GEMIN5: variants seen among roughly 807,000 people sequenced by gnomAD.
GEMIN5 encodes the protein gem-associated protein 5.
GEMIN5 carries 124 observed loss-of-function variants against 176.9 expected under a neutral mutation model. The observed-to-expected ratio is 0.70, with a 90% CI of 0.61 to 0.81. The LOEUF is 0.81. Among genes scored for constraint, GEMIN5 ranks in the 40% least tolerant of loss-of-function variants. GEMIN5 has a pLI of 0.00. For synonymous variants in GEMIN5, 673 were observed against 665.2 expected (o/e 1.01, Z -0.18); for missense variants, 1,843 against 1,814.6 (o/e 1.02, Z -0.28).
At chr5:154,910,619 T>C (rs1763680981) in intron 15 of GEMIN5, among the ~76,000 whole-genome samples, 1 of 152,204 alleles carries the variant, frequency 6.6e-6, no homozygotes, top group Non-Finnish European at 1.5e-5. Flanking sequence ...TTAATATATT[T>C]TGTCTAGCTT....
In GEMIN5 at chr5:154,889,363, G is replaced by T. The variant is rs757932154; in HGVS notation, c.4317C>A (p.Thr1439=). The change falls in exon 27 of 28, where the codon ACC becomes ACA. Residue 1439 remains threonine (T), a synonymous_variant. Transcript: ENST00000285873. The stretch of plus-strand genomic sequence containing the variant: ...ATTTCGCCATTCTCTGATTTGCCTC[G>T]GTAAGCCTTTTGGTTAACTCAGGCA... The part of the protein sequence containing the change: ...LSLPELTKRL[T]EANQRMAKFP... 1 of 1,609,558 alleles carries T rather than the reference G, an allele frequency of 6.2e-7. No individual in the cohort carries two copies. The highest frequency in any genetic ancestry group is 8.5e-7 in the Non-Finnish European group (1 of 1,176,296).
chr5:154,927,311 T>C (rs1764062024), intron 7 of GEMIN5, 74 bp downstream of exon 7: 1 of 940,638 alleles, frequency 1.1e-6, no homozygotes, highest in South Asian at 1.6e-5. Context: ...ACAGGTGCTT[T>C]GAAAAAGCCC....
chr5:154,927,702 T>A, intron 6 of GEMIN5, 152 bp from the exon 7 acceptor site: 1 of 569,890 alleles, frequency 1.8e-6, no homozygotes, highest in Non-Finnish European at 3.1e-6. Context: ...ACAAAATATC[T>A]CTGGGAAGGC....
At chr5:154,917,871 G>T in intron 12 of GEMIN5, 60 bp downstream of exon 12, 1 of 1,068,710 alleles carries the variant, frequency 9.4e-7, no homozygotes, top group Non-Finnish European at 1.5e-6. Flanking sequence ...GCATTAGTCA[G>T]CTTGTGATCA....
Position 154,907,611 on chromosome 5 carries a change from G to T in GEMIN5, c.2375C>A (p.Pro792His), listed in dbSNP as rs780700919. 6.2e-7 allele frequency: 1 copy of T among 1,613,852 alleles called. No individual in the cohort carries two copies. Among genetic ancestry groups the T allele is most frequent in the South Asian group, 1.1e-5 (1 of 91,060 alleles). The change falls in exon 16 of 28, where the codon CCC becomes CAC. Residue 792 changes from proline to histidine, a missense_variant. Transcript: ENST00000285873. ...GEEQAREPEL[P>H]CGLAPAVSRE... ...CATACCCGCTGGAGCAAGGCCACAGGGTAATTCCGGCTCCCGTGCTTGCTC... is the reference window on the plus strand; with the variant it reads ...CATACCCGCTGGAGCAAGGCCACAGTGTAATTCCGGCTCCCGTGCTTGCTC...
chr5:154,920,189 C>T (rs763692560), intron 10 of GEMIN5, 86 bp from the exon 11 acceptor site: 2 of 974,534 alleles, frequency 2.1e-6, no homozygotes, highest in Non-Finnish European at 3.0e-6. Context: ...TACCATACTA[C>T]ATAGTTGTTT....
intron 19 of GEMIN5, 66 bp from the exon 20 acceptor site, chr5:154,902,742 A>G (rs2113469103): frequency 6.6e-7 from 1 of 1,514,632 alleles, no homozygotes; most frequent in East Asian, 2.3e-5. Flanking sequence ...TTGTAGGAAA[A>G]GAAAGGCAAG....
intron 2 of GEMIN5, 28 bp from the exon 3 acceptor site, chr5:154,936,050 T>C: frequency 7.2e-7 from 1 of 1,379,954 alleles, no homozygotes; most frequent in Non-Finnish European, 1.0e-6. Context: ...AATTTGTTAT[T>C]GTCAATGCTG....
intron 15 of GEMIN5, among the ~76,000 whole-genome samples, chr5:154,908,754 T>A (rs1763627785): frequency 6.6e-6 from 1 of 152,218 alleles, no homozygotes; most frequent in African/African-American, 2.4e-5. Flanking sequence ...GGGCAATCTA[T>A]GAGGTAGCAG....
intron 25 of GEMIN5, among the ~76,000 whole-genome samples, 166 bp downstream of exon 25, chr5:154,892,221 T>G (rs546678163): frequency 1.3e-5 from 2 of 152,348 alleles, no homozygotes; most frequent in South Asian, 4.1e-4. Context: ...GGAAACAGTA[T>G]AGTTGTTCTT....
chr5:154,914,958 T>C (rs1296731569), intron 13 of GEMIN5, among the ~76,000 whole-genome samples: 1 of 152,234 alleles, frequency 6.6e-6, no homozygotes, highest in Non-Finnish European at 1.5e-5. Flanking sequence ...ACAATTCTTA[T>C]AACTTTCCTC....
intron 3 of GEMIN5, among the ~76,000 whole-genome samples, chr5:154,933,480 A>G (rs1764206419): frequency 6.6e-6 from 1 of 152,184 alleles, no homozygotes; most frequent in Non-Finnish European, 1.5e-5. Context: ...CCACTTTTTT[A>G]CAACAAAAAA....
rs555467365 is a variant in GEMIN5, at chr5:154,892,277, G to A, written c.3760+110C>T. 1.3e-5 allele frequency: 11 copies of A among 851,448 alleles called. No homozygotes were observed. In the South Asian group the frequency reaches 2.1e-4, roughly 16 times the overall value. The allele number at this position is 851,448 out of a possible 1,614,324, so 52.7% of individuals were successfully genotyped here. A position where few individuals can be genotyped will look rare whatever the true frequency, so the allele number is the denominator to read the frequency against. On this transcript the variant is annotated intron_variant, in intron 25 of 27. Transcript: ENST00000285873. Reference sequence around the variant, plus strand: ...CCAAACTTTCTACTAAAATGACACAGCTGGCCAATCTCCATCTTTTAAGAA... The same window carrying A: ...CCAAACTTTCTACTAAAATGACACAACTGGCCAATCTCCATCTTTTAAGAA...
Position 154,927,419 on chromosome 5 carries a change from TTGTC to T in GEMIN5, c.1042_1045del (p.Asp348AsnfsTer13). 1 of 1,590,704 alleles carries T rather than the reference TTGTC, an allele frequency of 6.3e-7. No individual in the cohort carries two copies. Among genetic ancestry groups the T allele is most frequent in the Non-Finnish European group, 8.6e-7 (1 of 1,158,588 alleles). On this transcript the variant is annotated frameshift_variant, in exon 7 of 28. Transcript: ENST00000285873. LOFTEE classifies it high-confidence loss of function. ...CATTGATGTAGAAAGTAATAGCTGTTTGTCATCCTCTGTTTGTAAAGGACATAAA... is the reference window on the plus strand; with the variant it reads ...CATTGATGTAGAAAGTAATAGCTGTTATCCTCTGTTTGTAAAGGACATAAA...
intron 20 of GEMIN5, among the ~76,000 whole-genome samples, chr5:154,901,792 T>C (rs1488028427): frequency 2.1e-4 from 5 of 23,360 alleles, no homozygotes; most frequent in Non-Finnish European, 4.5e-4. Context: ...TGCTTTTTTT[T>C]TTTCCCTTTC....
intron 25 of GEMIN5, 109 bp downstream of exon 25, chr5:154,892,278 C>T: frequency 2.3e-6 from 2 of 857,592 alleles, no homozygotes; most frequent in Non-Finnish European, 3.6e-6. Flanking sequence ...AATGACACAG[C>T]TGGCCAATCT....
At chr5:154,925,111 T>C (rs1764002754) in intron 8 of GEMIN5, among the ~76,000 whole-genome samples, 1 of 152,000 alleles carries the variant, frequency 6.6e-6, no homozygotes, top group South Asian at 2.1e-4. Flanking sequence ...AATAAACTTA[T>C]ACACAATTGA....
chr5:154,892,708 C>T (rs1303544380), intron 24 of GEMIN5, 159 bp from the exon 25 acceptor site: 6 of 639,196 alleles, frequency 9.4e-6, no homozygotes, highest in Admixed American at 8.7e-5. Context: ...CTTCCCACAT[C>T]GGAAACTCTC....
At chr5:154,910,767 C>T (rs1216212517) in intron 15 of GEMIN5, among the ~76,000 whole-genome samples, 2 of 152,204 alleles carry the variant, frequency 1.3e-5, no homozygotes, top group Non-Finnish European at 2.9e-5. Flanking sequence ...GGCGCAATCT[C>T]GGCTCACTGC....
Sources: allele counts gnomAD v4.1 joint callset (sites outside exome capture counted in the v4.1 genomes callset), GRCh38; gene constraint gnomAD v4.1.1; transcripts MANE v1.5; gene names NCBI Gene and HGNC (gene_info 2026-07-23, HGNC 2026-07-21).